The following LMNTD1 variants were observed in gnomAD, a reference collection of about 807,000 sequenced individuals.
LMNTD1 encodes lamin tail domain containing 1.
A neutral mutation model predicts 50.9 loss-of-function variants in LMNTD1; 35 were observed. That is an observed-to-expected ratio of 0.69 (90% confidence interval 0.53 to 0.91). The LOEUF is 0.91. Ranked by LOEUF, LMNTD1 falls within the 40% of genes least tolerant of loss-of-function variation. The probability of loss-of-function intolerance (pLI) is 0.00; values close to 1 mark genes in which losing one functional copy is unlikely to be tolerated. For missense variants in LMNTD1, 470 were observed against 475.5 expected, an observed-to-expected ratio of 0.99 and a Z score of 0.11; for synonymous variants, 153 against 161.9, an observed-to-expected ratio of 0.94 and a Z score of 0.42.
chr12:25,489,757 AAAAT>A (rs1938824580), intron 9 of LMNTD1, among the ~76,000 whole-genome samples: 1 of 152,226 alleles, frequency 6.6e-6, no homozygotes, highest in South Asian at 2.1e-4. Context: ...ATATTATTGA[AAAAT>A]AAAAAGGTGA....
At chr12:25,559,162 A>G (rs951824024) in intron 1 of LMNTD1, among the ~76,000 whole-genome samples, 2 of 152,148 alleles carry the variant, frequency 1.3e-5, no homozygotes, top group African/African-American at 2.4e-5. Context: ...CGTCATTTAC[A>G]TTAGGTATAT....
rs368750887 is a variant in LMNTD1, at chr12:25,601,395, G to A, written c.58+47099C>T. On this transcript the variant is annotated intron_variant, in intron 1 of 7. Coordinates refer to the LMNTD1 transcript ENST00000445693. The stretch of plus-strand genomic sequence containing the variant: ...AAAGAATGAATAAGACCTAGTATTT[G>A]AAGGCACAATGGGGTGACTATAGTC... Among the ~76,000 whole-genome samples, 5 of 151,902 alleles carry A rather than the reference G, an allele frequency of 3.3e-5. No individual in the cohort carries two copies. The East Asian group carries it at 7.7e-4, about 23-fold the overall frequency.
At chr12:25,597,373 A>G (rs1206420759) in intron 1 of LMNTD1, among the ~76,000 whole-genome samples, 4 of 152,164 alleles carry the variant, frequency 2.6e-5, no homozygotes, top group Non-Finnish European at 5.9e-5. Context: ...ATCAGAAAAA[A>G]TAGATTGCAA....
chr12:25,477,764 G>A (rs1938317740), intron 9 of LMNTD1, among the ~76,000 whole-genome samples: 1 of 151,924 alleles, frequency 6.6e-6, no homozygotes, highest in Admixed American at 6.6e-5. Flanking sequence ...TAATAGTAAG[G>A]GATACCATAT....
At chr12:25,477,972 C>T (rs936395223) in intron 9 of LMNTD1, among the ~76,000 whole-genome samples, 26 of 152,054 alleles carry the variant, frequency 1.7e-4, no homozygotes, top group African/African-American at 4.8e-4. Context: ...AAGCATCCAG[C>T]GCAGGATAAA....
intron 1 of LMNTD1, among the ~76,000 whole-genome samples, chr12:25,629,931 C>T (rs1946678051): frequency 6.6e-6 from 1 of 151,988 alleles, no homozygotes; most frequent in African/African-American, 2.4e-5. Context: ...AATTTGTGAC[C>T]CAGGACATAG....
At chr12:25,633,533 C>CCTT (rs1946763713) in intron 1 of LMNTD1, among the ~76,000 whole-genome samples, 1 of 152,144 alleles carries the variant, frequency 6.6e-6, no homozygotes, top group Non-Finnish European at 1.5e-5. Flanking sequence ...ACCTTCAAAA[C>CCTT]CAAGCAAACA....
intron 1 of LMNTD1, among the ~76,000 whole-genome samples, chr12:25,607,327 A>G (rs539119710): frequency 7.9e-5 from 12 of 151,676 alleles, no homozygotes; most frequent in African/African-American, 2.9e-4. Context: ...TTGTGTCTCT[A>G]TCTCCTTCAG....
chr12:25,580,264 A>ATTGATGTT (rs1426065634), intron 1 of LMNTD1, among the ~76,000 whole-genome samples: 1 of 151,924 alleles, frequency 6.6e-6, no homozygotes, highest in Non-Finnish European at 1.5e-5. Context: ...CCACCTTTCC[A>ATTGATGTT]TTGATGTTTT....
intron 9 of LMNTD1, among the ~76,000 whole-genome samples, chr12:25,497,972 G>T (rs1472949666): frequency 6.6e-6 from 1 of 152,046 alleles, no homozygotes; most frequent in African/African-American, 2.4e-5. Context: ...AGATATTGGG[G>T]AAAAATTCTC....
At chr12:25,624,011 A>G (rs1776605574) in intron 1 of LMNTD1, among the ~76,000 whole-genome samples, 2 of 152,102 alleles carry the variant, frequency 1.3e-5, no homozygotes, top group African/African-American at 4.8e-5. Context: ...GTGTGCACAT[A>G]GGTATTAATC....
At chr12:25,620,170 T>C (rs1421437692) in intron 1 of LMNTD1, among the ~76,000 whole-genome samples, 2 of 152,184 alleles carry the variant, frequency 1.3e-5, no homozygotes, top group Non-Finnish European at 2.9e-5. Context: ...GAAGAAACTG[T>C]GTTTTCCCAC....
rs142607994 is a variant in LMNTD1 at position 25,496,080 on chromosome 12, T to G, written c.*22+7658A>C. ...GGAAAACCCTTTGAGCTGAAACATG[T>G]TTTGGATCCAGGAAACCTCTGTTCA... On this transcript the variant is annotated intron_variant, in intron 9 of 9. Coordinates refer to ENST00000458174, the MANE Select transcript of LMNTD1 (RefSeq NM_001145728.2). Among the ~76,000 whole-genome samples, 64 of 152,204 alleles carry G rather than the reference T, an allele frequency of 4.2e-4. 1 individual carries two copies. The Middle Eastern group carries it at 0.01, about 24-fold the overall frequency.
intron 1 of LMNTD1, among the ~76,000 whole-genome samples, chr12:25,610,106 C>T (rs1946208701): frequency 6.6e-6 from 1 of 152,152 alleles, no homozygotes; most frequent in East Asian, 1.9e-4. Flanking sequence ...CTTGGACTAG[C>T]AGTGAGCAAG....
chr12:25,634,534 G>A (rs1946786536), intron 1 of LMNTD1, among the ~76,000 whole-genome samples: 1 of 152,134 alleles, frequency 6.6e-6, no homozygotes, highest in African/African-American at 2.4e-5. Flanking sequence ...ACAGACGCAA[G>A]TCAGTAAATG....
intron 1 of LMNTD1, among the ~76,000 whole-genome samples, chr12:25,601,980 G>C (rs1432686409): frequency 6.6e-6 from 1 of 151,224 alleles, no homozygotes; most frequent in African/African-American, 2.4e-5. Flanking sequence ...ATAAATTATT[G>C]TTAATTATAA....
upstream of LMNTD1, among the ~76,000 whole-genome samples, chr12:25,554,604 G>A (rs1943954016): frequency 6.6e-6 from 1 of 152,206 alleles, no homozygotes; most frequent in African/African-American, 2.4e-5. Flanking sequence ...AATGTAAGAG[G>A]ATGTTGATAG....
chr12:25,576,064 C>A lies in LMNTD1; in HGVS notation c.59-29510G>T, dbSNP rs183103907. The stretch of plus-strand genomic sequence containing the variant: ...CATAGTATTCCATGGTGTATATGTG[C>A]CACATTTTCTTAATCCAGTCTATCA... On this transcript the variant is annotated intron_variant, in intron 1 of 7. Coordinates refer to the LMNTD1 transcript ENST00000445693. Among the ~76,000 whole-genome samples, 33 of 152,244 alleles carry A rather than the reference C, an allele frequency of 2.2e-4. 2 individuals are homozygous for A. The highest frequency in any genetic ancestry group is 3.9e-4 in the Admixed American group (6 of 15,294).
In LMNTD1 at chr12:25,611,482, C is replaced by T. The variant is rs75118181; in HGVS notation, c.58+37012G>A. 7.4e-3 allele frequency among the ~76,000 whole-genome samples: 1,134 copies of T among 152,216 alleles called. 5 individuals are homozygous for T. Among genetic ancestry groups the T allele is most frequent in the African/African-American group, 0.026 (1,063 of 41,520 alleles). On this transcript the variant is annotated intron_variant, in intron 1 of 7. Transcript: ENST00000445693. ...GGAAGTTTGTCCACACTGGAATCCT[C>T]GACTATGTAGCTGAGTTCAGATGGT...
Sources: gnomAD v4.1 joint callset for allele counts (sites outside exome capture counted in the v4.1 genomes callset) on GRCh38, gnomAD v4.1.1 for gene constraint, MANE v1.5 for transcripts, NCBI Gene and HGNC (gene_info 2026-07-23, HGNC 2026-07-21) for gene names.